KCNMB2: variants seen among roughly 807,000 people sequenced by gnomAD.
KCNMB2 encodes the protein calcium-activated potassium channel subunit beta-2.
In KCNMB2, 9 loss-of-function variants were observed where a neutral mutation model predicts 24.5. That is an observed-to-expected ratio of 0.37 (90% confidence interval 0.22 to 0.64). The LOEUF is 0.64. KCNMB2 is among the 30% of genes least tolerant of loss of function. The probability of loss-of-function intolerance (pLI) is 0.63; values close to 1 mark genes in which losing one functional copy is unlikely to be tolerated. For synonymous variants in KCNMB2, 109 were observed against 104.4 expected, an observed-to-expected ratio of 1.04 and a Z score of -0.27; for missense variants, 226 against 284.3, an observed-to-expected ratio of 0.79 and a Z score of 1.47.
intron 1 of KCNMB2, among the ~76,000 whole-genome samples, chr3:178,591,581 T>G (rs1717676330): frequency 6.6e-6 from 1 of 152,218 alleles, no homozygotes; most frequent in Admixed American, 6.5e-5. Context: ...TCAGCCAGAC[T>G]GTCACATGAC....
chr3:178,725,724 G>A (rs1301441663), intron 1 of KCNMB2, among the ~76,000 whole-genome samples: 5 of 151,912 alleles, frequency 3.3e-5, no homozygotes, highest in African/African-American at 4.8e-5. Flanking sequence ...GCTGTTATTC[G>A]ATGGAATGTT....
chr3:178,771,683 T>C (rs546177309), intron 1 of KCNMB2, among the ~76,000 whole-genome samples: 1 of 152,078 alleles, frequency 6.6e-6, no homozygotes, highest in African/African-American at 2.4e-5. Flanking sequence ...CCCACTTCCA[T>C]GTGACTCACT....
chr3:178,760,024 C>CTA (rs1263597190), intron 1 of KCNMB2, among the ~76,000 whole-genome samples: 6 of 2,418 alleles, frequency 2.5e-3, no homozygotes, highest in Admixed American at 4.0e-3. Flanking sequence ...GAGGATATAT[C>CTA]TATATATATA....
At chr3:178,766,604 C>T (rs1041235539) in intron 1 of KCNMB2, among the ~76,000 whole-genome samples, 4 of 152,088 alleles carry the variant, frequency 2.6e-5, no homozygotes, top group South Asian at 2.1e-4. Context: ...TATTTAACTT[C>T]GTGCATATTT....
chr3:178,558,701 T>C (rs1195949296), intron 1 of KCNMB2: 1 of 152,200 alleles, frequency 6.6e-6, no homozygotes, highest in Non-Finnish European at 1.5e-5. Context: ...AACTCAGCTC[T>C]GTGCTTCAGT....
intron 1 of KCNMB2, among the ~76,000 whole-genome samples, chr3:178,685,730 T>C (rs1721446133): frequency 6.6e-6 from 1 of 152,186 alleles, no homozygotes; most frequent in African/African-American, 2.4e-5. Context: ...TCAATAACGT[T>C]CCCACAGCCT....
intron 1 of KCNMB2, among the ~76,000 whole-genome samples, chr3:178,566,291 T>C (rs1035102701): frequency 2.0e-5 from 3 of 152,240 alleles, no homozygotes; most frequent in Admixed American, 6.5e-5. Flanking sequence ...TGCAGTTTAC[T>C]AAAGGTATTA....
intron 1 of KCNMB2, among the ~76,000 whole-genome samples, chr3:178,748,709 G>A (rs933814033): frequency 6.6e-6 from 1 of 152,112 alleles, no homozygotes; most frequent in Non-Finnish European, 1.5e-5. Context: ...ACAAATAGAA[G>A]CTAGCTATTG....
At chr3:178,591,564 G>A (rs1444954451) in intron 1 of KCNMB2, among the ~76,000 whole-genome samples, 5 of 152,106 alleles carry the variant, frequency 3.3e-5, no homozygotes, top group Admixed American at 6.6e-5. Flanking sequence ...ATTGAAGAAG[G>A]GGGTACTCAG....
At chr3:178,793,900 A>T (rs1211001870) in intron 1 of KCNMB2, among the ~76,000 whole-genome samples, 2 of 151,942 alleles carry the variant, frequency 1.3e-5, no homozygotes, top group Admixed American at 6.5e-5. Flanking sequence ...CTCAAAAAAC[A>T]AAGATAAAGG....
At chr3:178,840,257 C>T (rs971536341) in intron 4 of KCNMB2, among the ~76,000 whole-genome samples, 5 of 152,224 alleles carry the variant, frequency 3.3e-5, no homozygotes, top group African/African-American at 4.8e-5. Flanking sequence ...TTCCCAAGGC[C>T]TTGGGCAGCT....
chr3:178,539,116 A>G (rs1025185200), intron 1 of KCNMB2, among the ~76,000 whole-genome samples: 3 of 152,278 alleles, frequency 2.0e-5, no homozygotes, highest in Non-Finnish European at 4.4e-5. Context: ...TGTCTCTCTT[A>G]TATACACAGA....
chr3:178,762,110 G>A (rs1441313604), intron 1 of KCNMB2, among the ~76,000 whole-genome samples: 1 of 152,178 alleles, frequency 6.6e-6, no homozygotes, highest in Non-Finnish European at 1.5e-5. Context: ...GGCAGAGCTT[G>A]CAGTGAGCCG....
intron 1 of KCNMB2, among the ~76,000 whole-genome samples, chr3:178,744,605 G>T (rs1723599346): frequency 6.6e-6 from 1 of 152,138 alleles, no homozygotes. Flanking sequence ...TCAAGATAGA[G>T]CAAGGGTTGA....
intron 1 of KCNMB2, among the ~76,000 whole-genome samples, chr3:178,668,088 A>G (rs544015409): frequency 1.3e-5 from 2 of 152,172 alleles, no homozygotes; most frequent in African/African-American, 4.8e-5. Context: ...TAAGACAAAG[A>G]TCCTTCTTTG....
intron 1 of KCNMB2, among the ~76,000 whole-genome samples, chr3:178,799,442 A>T (rs1713686784): frequency 6.6e-6 from 1 of 151,722 alleles, no homozygotes; most frequent in Non-Finnish European, 1.5e-5. Context: ...AACTACAAAT[A>T]AAAAAAAATC....
chr3:178,703,533 C>T (rs966359326), intron 1 of KCNMB2, among the ~76,000 whole-genome samples: 15 of 151,948 alleles, frequency 9.9e-5, no homozygotes, highest in Admixed American at 2.6e-4. Flanking sequence ...AGTAGCTGTT[C>T]GTGTTCATTA....
chr3:178,794,358 A>G (rs1020202156), intron 1 of KCNMB2, among the ~76,000 whole-genome samples: 2 of 152,112 alleles, frequency 1.3e-5, no homozygotes, highest in African/African-American at 4.8e-5. Context: ...ACCTTGGATC[A>G]GTACCTGAAC....
Position 178,775,715 on chromosome 3 carries a change from T to C in KCNMB2, c.-67-31628T>C, listed in dbSNP as rs111872076. 2.0e-3 allele frequency among the ~76,000 whole-genome samples: 311 copies of C among 152,296 alleles called. 5 individuals are homozygous for C. Among genetic ancestry groups the C allele is most frequent in the South Asian group, 0.011 (55 of 4,830 alleles). Reference sequence around the variant, plus strand: ...TATTCTCTATCTAAATGCAAATTCATTTACAAATGACAAGCAATAAAGAAA... The same window carrying C: ...TATTCTCTATCTAAATGCAAATTCACTTACAAATGACAAGCAATAAAGAAA... On this transcript the variant is annotated intron_variant, in intron 1 of 4. Coordinates refer to ENST00000452583, the MANE Select transcript of KCNMB2 (RefSeq NM_181361.3).
Sources: allele counts gnomAD v4.1 joint callset (sites outside exome capture counted in the v4.1 genomes callset), GRCh38; gene constraint gnomAD v4.1.1; transcripts MANE v1.5; gene names NCBI Gene and HGNC (gene_info 2026-07-23, HGNC 2026-07-21).